Variants in ATXN8OS observed in about 807,000 individuals in gnomAD.
The protein encoded by ATXN8OS is ATXN8 opposite strand (non-protein coding).
rs111339525 is a variant in ATXN8OS, at chr13:70,138,741, C to T, written n.500-8614C>T. Among the ~76,000 whole-genome samples the T allele has an allele frequency of 1.8e-3, 275 of 152,054 alleles. 2 individuals carry two copies. The highest frequency in any genetic ancestry group is 6.5e-3 in the African/African-American group (268 of 41,512). The stretch of plus-strand genomic sequence containing the variant: ...TATACTTTCTATATTTATACAAATT[C>T]CATACACTAAACAATTATTAGTAAT... On this transcript the variant is annotated intron_variant and non_coding_transcript_variant, in intron 3 of 4. Transcript: ENST00000678624.
chr13:70,129,835 G>A, exon 3 of ATXN8OS: 2 of 398,478 alleles, frequency 5.0e-6, no homozygotes, highest in East Asian at 7.1e-5. Flanking sequence ...TGTATGTATA[G>A]GAAGTTGAAG....
chr13:70,144,923 A>C (rs1253932117), intron 3 of ATXN8OS, among the ~76,000 whole-genome samples: 1 of 152,114 alleles, frequency 6.6e-6, no homozygotes, highest in Non-Finnish European at 1.5e-5. Flanking sequence ...AAAATTTCTA[A>C]GTGTGTAATC....
intron 3 of ATXN8OS, chr13:70,131,178 T>C (rs1463103735): frequency 2.5e-6 from 1 of 398,504 alleles, no homozygotes; most frequent in Non-Finnish European, 4.4e-6. Flanking sequence ...AAAGTCAATA[T>C]AGAGAGTAAG....
At chr13:70,127,331 A>T (rs1019144595) in intron 2 of ATXN8OS, among the ~76,000 whole-genome samples, 2 of 152,050 alleles carry the variant, frequency 1.3e-5, no homozygotes, top group Non-Finnish European at 2.9e-5. Context: ...TAATGAGGTT[A>T]AAACTAAACT....
chr13:70,126,759 G>A (rs1383931120), intron 2 of ATXN8OS, among the ~76,000 whole-genome samples: 1 of 150,864 alleles, frequency 6.6e-6, no homozygotes, highest in African/African-American at 2.4e-5. Context: ...GACATAAATG[G>A]ATATCTAGAT....
At chr13:70,108,030 C>A (rs1018616876) in intron 1 of ATXN8OS, 3 of 433,618 alleles carry the variant, frequency 6.9e-6, no homozygotes, top group Non-Finnish European at 1.2e-5. Flanking sequence ...GTGGGACAAC[C>A]CTTAGGCTGG....
chr13:70,108,639 C>A (rs1888145124), intron 1 of ATXN8OS: 1 of 152,162 alleles, frequency 6.6e-6, no homozygotes, highest in South Asian at 2.1e-4. Context: ...CCTCCTTCCT[C>A]GCTACATTAC....
chr13:70,166,694 C>T (rs1313757316), intron 4 of ATXN8OS, among the ~76,000 whole-genome samples: 1 of 152,090 alleles, frequency 6.6e-6, no homozygotes, highest in African/African-American at 2.4e-5. Flanking sequence ...TGAAGAGCTT[C>T]TGCACAACAA....
intron 4 of ATXN8OS, among the ~76,000 whole-genome samples, chr13:70,155,257 G>T (rs1025207388): frequency 2.0e-5 from 3 of 152,150 alleles, no homozygotes; most frequent in African/African-American, 7.2e-5. Flanking sequence ...TGTGGTGGAA[G>T]TTTCTGCTAT....
intron 3 of ATXN8OS, among the ~76,000 whole-genome samples, chr13:70,137,850 T>A (rs1468582386): frequency 6.6e-6 from 1 of 152,178 alleles, no homozygotes. Flanking sequence ...AAAAGAGGTT[T>A]AATTGACTCA....
At chr13:70,146,788 T>G (rs1357787718) in intron 3 of ATXN8OS, among the ~76,000 whole-genome samples, 1 of 151,036 alleles carries the variant, frequency 6.6e-6, no homozygotes. Context: ...GGAAGAGGGA[T>G]AGCATTAGGA....
intron 4 of ATXN8OS, among the ~76,000 whole-genome samples, chr13:70,164,024 C>T (rs1006330875): frequency 2.7e-5 from 4 of 146,824 alleles, no homozygotes; most frequent in Non-Finnish European, 6.0e-5. Flanking sequence ...TATTTTTTTT[C>T]TCCTAGAATT....
chr13:70,162,539 G>GA (rs1159818233), intron 4 of ATXN8OS, among the ~76,000 whole-genome samples: 1 of 152,044 alleles, frequency 6.6e-6, no homozygotes, highest in Admixed American at 6.6e-5. Flanking sequence ...GTTTCCTGAT[G>GA]AAAAATGGGA....
At position 70,139,351 on chromosome 13, in the gene ATXN8OS, TTACTAC is replaced by T. The variant is rs375568204; in HGVS notation, n.500-7975_500-7970del. On this transcript the variant is annotated intron_variant and non_coding_transcript_variant, in intron 3 of 4. Coordinates refer to ENST00000678624, the Ensembl canonical transcript of ATXN8OS. The stretch of plus-strand genomic sequence containing the variant: ...GTCCTTCATGTTAGAAAACCTGGCT[TTACTAC>T]TACTACTACTACTACTACTACTACT... 3.3e-3 allele frequency: 1,793 copies of T among 547,156 alleles called. 275 individuals are homozygous for T. The highest frequency in any genetic ancestry group is 4.3e-3 in the Non-Finnish European group (1,347 of 312,106). The allele number at this position is 547,156 out of a possible 1,614,324, so 33.9% of individuals were successfully genotyped here.
intron 4 of ATXN8OS, among the ~76,000 whole-genome samples, chr13:70,164,182 A>AT (rs1889047061): frequency 6.6e-6 from 1 of 150,492 alleles, no homozygotes; most frequent in African/African-American, 2.4e-5. Flanking sequence ...TACCATTATC[A>AT]TTTTTTCCCA....
chr13:70,117,168 T>C (rs1354536749), intron 2 of ATXN8OS, among the ~76,000 whole-genome samples: 1 of 152,034 alleles, frequency 6.6e-6, no homozygotes, highest in Non-Finnish European at 1.5e-5. Context: ...CACTAGAAAG[T>C]TGCTAAGACA....
intron 3 of ATXN8OS, among the ~76,000 whole-genome samples, chr13:70,141,043 T>G (rs1176479641): frequency 6.6e-6 from 1 of 152,144 alleles, no homozygotes; most frequent in Non-Finnish European, 1.5e-5. Context: ...AAGACTATAT[T>G]TAGTTTTTAT....
intron 4 of ATXN8OS, among the ~76,000 whole-genome samples, chr13:70,153,410 T>C (rs1168256201): frequency 6.6e-6 from 1 of 151,724 alleles, no homozygotes; most frequent in Non-Finnish European, 1.5e-5. Context: ...CCATCTCTAC[T>C]AAAAATACAA....
intron 2 of ATXN8OS, among the ~76,000 whole-genome samples, chr13:70,123,727 T>C (rs1237023126): frequency 6.6e-6 from 1 of 152,016 alleles, no homozygotes; most frequent in Non-Finnish European, 1.5e-5. Context: ...AAAAGAGAAG[T>C]CTAGGAAGAA....
Sources: gnomAD v4.1 joint callset for allele counts (sites outside exome capture counted in the v4.1 genomes callset) on GRCh38, gnomAD v4.1.1 for gene constraint, MANE v1.5 for transcripts, NCBI Gene and HGNC (gene_info 2026-07-23, HGNC 2026-07-21) for gene names.